The following ZNF462 variants were observed in gnomAD, a reference collection of about 807,000 sequenced individuals.
ZNF462 encodes the protein zinc finger PBX1-interacting protein.
ZNF462 carries 10 observed loss-of-function variants against 201.9 expected under a neutral mutation model. That is an observed-to-expected ratio of 0.05 (90% CI 0.03 to 0.08). The LOEUF is 0.08. Among genes scored for constraint, ZNF462 ranks in the 10% least tolerant of loss-of-function variants. The pLI is 1.00. For missense variants in ZNF462, 2,523 were observed against 3,168.3 expected (o/e 0.80, Z 4.89); for synonymous variants, 1,227 against 1,193.3 (o/e 1.03, Z -0.58).
At chr9:106,973,722 C>T (rs543602921) in intron 8 of ZNF462, among the ~76,000 whole-genome samples, 13 of 152,206 alleles carry the variant, frequency 8.5e-5, no homozygotes, top group African/African-American at 2.4e-4. Flanking sequence ...GTCCTCCCCC[C>T]CTTACCTGTG....
intron 7 of ZNF462, among the ~76,000 whole-genome samples, chr9:106,951,850 TG>T (rs913028042): frequency 1.5e-4 from 22 of 150,792 alleles, no homozygotes; most frequent in African/African-American, 3.9e-4. Flanking sequence ...AACAGTGTTG[TG>T]TTTTTTTTTT....
Position 106,913,848 on chromosome 9 carries a change from C to T in ZNF462, c.-30-9506C>T, listed in dbSNP as rs190478920. 2.7e-3 allele frequency among the ~76,000 whole-genome samples: 404 copies of T among 150,274 alleles called. 25 individuals carry two copies. The highest frequency in any genetic ancestry group is 0.017 in the Admixed American group (260 of 14,962). On this transcript the variant is annotated intron_variant, in intron 1 of 12. Coordinates refer to ENST00000277225, the MANE Select transcript of ZNF462 (RefSeq NM_021224.6). The surrounding 1 kb of genome is among the most constrained non-coding windows in gnomAD (Gnocchi z 4.1). ...AACTCCTTACCTCAAGTGATCTGCC[C>T]GCCTCAGCCTCCCAAAGTGCTAGGA... is the stretch of plus-strand genomic sequence containing the variant.
rs1829098096 is a variant in ZNF462, at chr9:106,902,344, G to A, written c.-30-21010G>A. Among the ~76,000 whole-genome samples the A allele has an allele frequency of 6.6e-6, 1 of 152,060 alleles. No homozygotes were observed. Among genetic ancestry groups the A allele is most frequent in the Non-Finnish European group, 1.5e-5 (1 of 68,016 alleles). On this transcript the variant is annotated intron_variant, in intron 1 of 12. Coordinates refer to ENST00000277225, the MANE Select transcript of ZNF462 (RefSeq NM_021224.6). The surrounding 1 kb of genome is among the most constrained non-coding windows in gnomAD (Gnocchi z 4.2). ...AGCTAGTATTTTGTTAAGGATTTTA[G>A]CATCTATATTCATCAAGGATATTGG... is the stretch of plus-strand genomic sequence containing the variant.
rs767308377 is a variant in ZNF462 at position 106,929,531 on chromosome 9, C to A, written c.5619C>A (p.Asp1873Glu). ...ATTACACTGACCACCACAGTCGGGA[C>A]CTAAAGAGGGACTTCATCATTCTGG... ...CMHYTDHHSR[D>E]LKRDFIILGN... is the part of the protein sequence containing the mutation. Residue 1873 changes from aspartate (D) to glutamate (E), a missense_variant, in exon 3 of 13, where the codon GAC becomes GAA. Asp to Glu is a conservative substitution (Grantham distance 45, BLOSUM62 2). Coordinates refer to ENST00000277225, the MANE Select transcript of ZNF462 (RefSeq NM_021224.6). The surrounding 1 kb of genome is among the most constrained non-coding windows in gnomAD (Gnocchi z 8.7). 1 of 1,614,132 alleles carries A rather than the reference C, an allele frequency of 6.2e-7. No homozygotes were observed. Among genetic ancestry groups the A allele is most frequent in the East Asian group, 2.2e-5 (1 of 44,860 alleles).
At chr9:106,934,814 G>T (rs1472972577) in intron 5 of ZNF462, among the ~76,000 whole-genome samples, 1 of 152,104 alleles carries the variant, frequency 6.6e-6, no homozygotes, top group African/African-American at 2.4e-5. Context: ...AGTACTAGGG[G>T]TTCGTTGTAA....
At position 106,924,011 on chromosome 9, in the gene ZNF462, A is replaced by T; in HGVS notation, c.221-122A>T. On this transcript the variant is annotated intron_variant, in intron 2 of 12. Coordinates refer to ENST00000277225, the MANE Select transcript of ZNF462 (RefSeq NM_021224.6). The surrounding 1 kb of genome is among the most constrained non-coding windows in gnomAD (Gnocchi z 6.2). ...GAATACTCTTCAAGGCCTCATCTTG[A>T]GACTTCAGGCCTTTTGCATGTGATG... 2.4e-6 allele frequency: 2 copies of T among 820,400 alleles called. No individual in the cohort carries two copies. Among genetic ancestry groups the T allele is most frequent in the Non-Finnish European group, 1.9e-6 (1 of 533,508 alleles). The allele number at this position is 820,400 out of a possible 1,614,324, so 50.8% of individuals were successfully genotyped here. A position where few individuals can be genotyped will look rare whatever the true frequency, so the allele number is the denominator to read the frequency against.
chr9:106,906,218 A>G (rs1057079569), intron 1 of ZNF462, among the ~76,000 whole-genome samples: 16 of 152,186 alleles, frequency 1.1e-4, no homozygotes, highest in Non-Finnish European at 2.4e-4. Context: ...CCATTTCTGC[A>G]GCTGGGGCAC....
At position 106,923,260 on chromosome 9, in the gene ZNF462, G is replaced by C; in HGVS notation, c.-30-94G>C. ...CAATAAGAGAAATCTACTGATACTGGAATTTTTTCCCATTAATGGATATAT... is the reference window on the plus strand; with the variant it reads ...CAATAAGAGAAATCTACTGATACTGCAATTTTTTCCCATTAATGGATATAT... On this transcript the variant is annotated intron_variant, in intron 1 of 12. Transcript: ENST00000277225. The surrounding 1 kb of genome is among the most constrained non-coding windows in gnomAD (Gnocchi z 5.6). 1.1e-6 allele frequency: 1 copy of C among 898,776 alleles called. No homozygotes were observed. The highest frequency in any genetic ancestry group is 1.7e-6 in the Non-Finnish European group (1 of 574,152). 55.7% of individuals were successfully genotyped at this position (898,776 alleles called of 1,614,324 possible). A position where few individuals can be genotyped will look rare whatever the true frequency, so the allele number is the denominator to read the frequency against.
chr9:106,924,729 C>T lies in ZNF462; in HGVS notation c.817C>T (p.Leu273Phe). ...GAAACACCGCAGTATGGTCAAGATC[C>T]TTTCCAGTCTCAGACAGCAACAAGA... The part of the protein sequence containing the change: ...MKKHRSMVKI[L>F]SSLRQQQEGT... The change falls in exon 3 of 13, where the codon CTT becomes TTT. Residue 273 changes from leucine (L) to phenylalanine (F), a missense_variant. Around this residue, in one of 15 missense-constraint regions of ZNF462, gnomAD observed 480 missense variants for 544.4 expected, o/e 0.88. Coordinates refer to ENST00000277225, the MANE Select transcript of ZNF462 (RefSeq NM_021224.6). The surrounding 1 kb of genome is among the most constrained non-coding windows in gnomAD (Gnocchi z 6.2). 6.2e-7 allele frequency: 1 copy of T among 1,614,144 alleles called. No homozygotes were observed. The highest frequency in any genetic ancestry group is 1.3e-5 in the African/African-American group (1 of 75,020).
rs1016605760 is a variant in ZNF462, at chr9:106,876,254, C to A, written c.-31+12899C>A. On this transcript the variant is annotated intron_variant, in intron 1 of 12. Coordinates refer to ENST00000277225, the MANE Select transcript of ZNF462 (RefSeq NM_021224.6). This position sits in a 1 kb window ranked among gnomAD's most constrained non-coding sequence, Gnocchi z 4.9. ...TTATAATTTGAATCTGTAGAACTAA[C>A]ATAAGGATTAAAAAATAATATGTGT... Among the ~76,000 whole-genome samples, 1 of 152,160 alleles carries A rather than the reference C, an allele frequency of 6.6e-6. No individual in the cohort carries two copies.
chr9:106,930,596 T>C lies in ZNF462; in HGVS notation c.5919T>C (p.Cys1973=), dbSNP rs1830385488. The C allele has an allele frequency of 1.9e-6, 3 of 1,613,968 alleles. No individual in the cohort carries two copies. The African/African-American group carries it at 4.0e-5, about 22-fold the overall frequency. The change falls in exon 4 of 13, where the codon TGT becomes TGC. Residue 1973 remains cysteine (C), a synonymous_variant. Coordinates refer to ENST00000277225, the MANE Select transcript of ZNF462 (RefSeq NM_021224.6). This position sits in a 1 kb window ranked among gnomAD's most constrained non-coding sequence, Gnocchi z 5.8. ...TGGTGGGCTACAAATGTAAATTCTG[T>C]GTGGAAGTGCACCCAACGCTCCGAG... ...RKVVGYKCKF[C]VEVHPTLRAI... is the part of the protein sequence containing the mutation.
intron 1 of ZNF462, among the ~76,000 whole-genome samples, chr9:106,888,068 G>C (rs1440223701): frequency 6.7e-6 from 1 of 149,112 alleles, no homozygotes; most frequent in Admixed American, 6.7e-5. Flanking sequence ...TTGAGACGGA[G>C]TCTCCCTCTG....
At position 106,926,848 on chromosome 9, in the gene ZNF462, A is replaced by G; in HGVS notation, c.2936A>G (p.Glu979Gly). ...GLNTESQTLREILNSAPKNMA... is the reference protein window; with the variant it reads ...GLNTESQTLRGILNSAPKNMA... ...AATACAGAATCCCAGACCCTGAGGG[A>G]GATTCTGAATTCGGCTCCCAAGAAC... The change falls in exon 3 of 13, where the codon GAG becomes GGG. Residue 979 changes from glutamate to glycine, a missense_variant. Transcript: ENST00000277225. The surrounding 1 kb of genome is among the most constrained non-coding windows in gnomAD (Gnocchi z 7.9). 6.2e-7 allele frequency: 1 copy of G among 1,614,146 alleles called. No homozygotes were observed. The highest frequency in any genetic ancestry group is 8.5e-7 in the Non-Finnish European group (1 of 1,180,030).
chr9:106,861,764 C>G (rs1300083088), upstream of ZNF462, among the ~76,000 whole-genome samples: 1 of 152,166 alleles, frequency 6.6e-6, no homozygotes, highest in Non-Finnish European at 1.5e-5. Flanking sequence ...GGGAACCACT[C>G]CTTTGCAAAA....
intron 1 of ZNF462, among the ~76,000 whole-genome samples, chr9:106,893,166 A>G (rs1430974880): frequency 1.3e-5 from 2 of 152,252 alleles, no homozygotes; most frequent in Admixed American, 1.3e-4. Flanking sequence ...CACGATGCCA[A>G]GAAGCAGATG....
chr9:106,974,281 T>A lies in ZNF462; in HGVS notation c.6832+8T>A. Reference sequence around the variant, plus strand: ...ACATCGTGCTGCACCGAGGTAACCTTTCTAACTTGGTTTTCTTGGATGCAG... The same window carrying A: ...ACATCGTGCTGCACCGAGGTAACCTATCTAACTTGGTTTTCTTGGATGCAG... On this transcript the variant is annotated splice_region_variant and intron_variant, in intron 9 of 12. Transcript: ENST00000277225. This position sits in a 1 kb window ranked among gnomAD's most constrained non-coding sequence, Gnocchi z 4.0. 2.5e-6 allele frequency: 4 copies of A among 1,614,058 alleles called. No homozygotes were observed. Among genetic ancestry groups the A allele is most frequent in the Non-Finnish European group, 3.4e-6 (4 of 1,179,974 alleles).
chr9:106,954,242 C>A lies in ZNF462; in HGVS notation c.6427+15135C>A, dbSNP rs1831477662. On this transcript the variant is annotated intron_variant, in intron 7 of 12. Transcript: ENST00000277225. The surrounding 1 kb of genome is among the most constrained non-coding windows in gnomAD (Gnocchi z 4.0). ...ACATGGCTAGGGAGGCCTCAGGAAA[C>A]TTATAATCAAGGTGGAAGGCAAAGG... 6.6e-6 allele frequency among the ~76,000 whole-genome samples: 1 copy of A among 152,026 alleles called. No homozygotes were observed. The highest frequency in any genetic ancestry group is 2.4e-5 in the African/African-American group (1 of 41,384).
At chr9:106,951,312 G>A (rs568060713) in intron 7 of ZNF462, among the ~76,000 whole-genome samples, 33 of 152,208 alleles carry the variant, frequency 2.2e-4, no homozygotes, top group Admixed American at 2.6e-4. Context: ...AGGAGAGAAC[G>A]TTGAGTAAAT....
At chr9:107,002,574 A>T (rs1829273727) in intron 10 of ZNF462, among the ~76,000 whole-genome samples, 1 of 152,180 alleles carries the variant, frequency 6.6e-6, no homozygotes, top group Non-Finnish European at 1.5e-5. Context: ...CTTTGAAGAA[A>T]GCTTGGATTC....
Sources: gnomAD v4.1 joint callset for allele counts (sites outside exome capture counted in the v4.1 genomes callset) on GRCh38, gnomAD v4.1.1 for gene constraint, gnomAD v4.1.1 regional missense constraint, Gnocchi (gnomAD v3.1) non-coding constraint, MANE v1.5 for transcripts, NCBI Gene and HGNC (gene_info 2026-07-23, HGNC 2026-07-21) for gene names.